APH1B: variants seen among roughly 807,000 people sequenced by gnomAD.
APH1B encodes gamma-secretase subunit APH-1B.
APH1B carries 27 observed loss-of-function variants against 28.2 expected under a neutral mutation model. That is an observed-to-expected ratio of 0.96 (90% CI 0.70 to 1.32). The LOEUF is 1.32. APH1B is among the 40% of genes most tolerant of loss of function. The pLI, the probability that APH1B is intolerant of heterozygous loss-of-function variation, is 0.00. For synonymous variants in APH1B, 141 were observed against 124.6 expected, an observed-to-expected ratio of 1.13 and a Z score of -0.88; for missense variants, 305 against 313.6, an observed-to-expected ratio of 0.97 and a Z score of 0.21.
chr15:63,287,511 T>A lies in APH1B; in HGVS notation c.443T>A (p.Ile148Asn). ...TCCTTGGGGCCAGGCACAGTGGGCA[T>A]TCATGGAGATTCTCCTCAATTCTTC... ...SDSLGPGTVGIHGDSPQFFLY... is the reference protein window; with the variant it reads ...SDSLGPGTVGNHGDSPQFFLY... The change falls in exon 4 of 6, where the codon ATT (isoleucine) becomes AAT (asparagine). Residue 148 changes from isoleucine to asparagine, a missense_variant. Physicochemically the swap from Ile to Asn is moderately radical, Grantham distance 149 (BLOSUM62 -3). Coordinates refer to ENST00000261879, the MANE Select transcript of APH1B (RefSeq NM_031301.4). The A allele has an allele frequency of 6.2e-7, 1 of 1,614,002 alleles. No homozygotes were observed. Among genetic ancestry groups the A allele is most frequent in the Non-Finnish European group, 8.5e-7 (1 of 1,179,878 alleles).
intron 5 of APH1B, among the ~76,000 whole-genome samples, chr15:63,303,279 G>A (rs2038651705): frequency 6.6e-6 from 1 of 152,136 alleles, no homozygotes; most frequent in South Asian, 2.1e-4. Flanking sequence ...CCCCACTGAG[G>A]GTGACCATGA....
intron 4 of APH1B, 133 bp from the exon 5 acceptor site, chr15:63,302,212 C>A: frequency 9.2e-7 from 1 of 1,081,164 alleles, no homozygotes; most frequent in Non-Finnish European, 1.3e-6. Context: ...GTGTCAAGGC[C>A]CTGTTTCTGT....
At chr15:63,283,396 A>AAT (rs2038410735) in intron 2 of APH1B, among the ~76,000 whole-genome samples, 1 of 68,400 alleles carries the variant, frequency 1.5e-5, no homozygotes, top group Non-Finnish European at 3.5e-5. Context: ...CACCCAGCTA[A>AAT]CTTGTATTTT....
intron 3 of APH1B, 58 bp from the exon 4 acceptor site, chr15:63,287,366 A>G: frequency 6.2e-7 from 1 of 1,601,612 alleles, no homozygotes. Flanking sequence ...TAGTCCTTGG[A>G]AATTTGACTT....
intron 2 of APH1B, among the ~76,000 whole-genome samples, chr15:63,285,295 A>G (rs1280782756): frequency 6.6e-6 from 1 of 152,252 alleles, no homozygotes; most frequent in Non-Finnish European, 1.5e-5. Flanking sequence ...TTAAAGTAAC[A>G]CAATGCCCAG....
intron 4 of APH1B, among the ~76,000 whole-genome samples, chr15:63,296,436 C>G (rs1345082178): frequency 2.6e-5 from 4 of 152,154 alleles, no homozygotes; most frequent in Non-Finnish European, 5.9e-5. Context: ...ATACCCTGCC[C>G]GTGTTAGGGG....
At chr15:63,286,085 C>T (rs2038442182) in intron 2 of APH1B, among the ~76,000 whole-genome samples, 4 of 152,094 alleles carry the variant, frequency 2.6e-5, no homozygotes, top group Admixed American at 2.6e-4. Context: ...AGTTTAGGTT[C>T]TACAGAGTGG....
In APH1B at chr15:63,286,579, G is replaced by C; in HGVS notation, c.306G>C (p.Lys102Asn). 1.9e-6 allele frequency: 3 copies of C among 1,598,098 alleles called. No homozygotes were observed. Among genetic ancestry groups the C allele is most frequent in the Non-Finnish European group, 2.6e-6 (3 of 1,174,658 alleles). Reference protein sequence around the residue: ...KLLKKASEGLKSINPGETAPS... With the variant: ...KLLKKASEGLNSINPGETAPS... ...TTAGAAAAGCCAGTGAAGGTTTGAA[G>C]AGTATAAACCCAGGTGAGACAGCAC... is the stretch of plus-strand genomic sequence containing the variant. Residue 102 changes from lysine to asparagine, a missense_variant, in exon 3 of 6, where the codon AAG becomes AAC. By Grantham distance (94) the Lys-to-Asn change is moderately conservative (BLOSUM62 0). Coordinates refer to ENST00000261879, the MANE Select transcript of APH1B (RefSeq NM_031301.4).
At chr15:63,281,427 C>T (rs966245384) in intron 2 of APH1B, among the ~76,000 whole-genome samples, 6 of 151,748 alleles carry the variant, frequency 4.0e-5, no homozygotes, top group African/African-American at 1.5e-4. Flanking sequence ...AAGTAGTACC[C>T]CTGACTGGGC....
chr15:63,283,487 C>A (rs2038411948), intron 2 of APH1B, among the ~76,000 whole-genome samples: 1 of 152,184 alleles, frequency 6.6e-6, no homozygotes, highest in South Asian at 2.1e-4. Flanking sequence ...ACCTCAGCCA[C>A]CCAAAATGCT....
At chr15:63,277,923 A>T in intron 1 of APH1B, 187 bp downstream of exon 1, 1 of 606,330 alleles carries the variant, frequency 1.6e-6, no homozygotes, top group South Asian at 2.0e-5. Flanking sequence ...AGAAGCGCAC[A>T]CTGGGGGTCA....
intron 2 of APH1B, among the ~76,000 whole-genome samples, chr15:63,282,483 C>T (rs1481966956): frequency 6.6e-6 from 1 of 152,174 alleles, no homozygotes; most frequent in Non-Finnish European, 1.5e-5. Flanking sequence ...CTGGCAGAGC[C>T]TTGCATAAAG....
Position 63,302,436 on chromosome 15 carries a change from T to A in APH1B, c.570T>A (p.Leu190=). 3.1e-6 allele frequency: 5 copies of A among 1,614,062 alleles called. No individual in the cohort carries two copies. Among genetic ancestry groups the A allele is most frequent in the Non-Finnish European group, 4.2e-6 (5 of 1,179,982 alleles). The stretch of plus-strand genomic sequence containing the variant: ...AGAAGAAAAAGTGGGGCATCCTCCT[T>A]ATCGTTCTCCTGACCCACCTGCTGG... ...GCEKKKWGIL[L]IVLLTHLLVS... is the part of the protein sequence containing the mutation. Residue 190 remains leucine (L), a synonymous_variant, in exon 5 of 6, where the codon CTT becomes CTA. Transcript: ENST00000261879.
chr15:63,284,764 G>A (rs2038428614), intron 2 of APH1B, among the ~76,000 whole-genome samples: 1 of 152,166 alleles, frequency 6.6e-6, no homozygotes, highest in South Asian at 2.1e-4. Context: ...ATGCAGGTTT[G>A]TTACCTGGGT....
rs2038689039 is a variant in APH1B, at chr15:63,306,467, G to A, written c.*686G>A. 1 of 152,226 alleles carries A rather than the reference G, an allele frequency of 6.6e-6. No individual in the cohort carries two copies. The highest frequency in any genetic ancestry group is 6.5e-5 in the Admixed American group (1 of 15,286). 9.4% of individuals were successfully genotyped at this position (152,226 alleles called of 1,614,324 possible). A position where few individuals can be genotyped will look rare whatever the true frequency, so the allele number is the denominator to read the frequency against. ...AGGCATTACATTGTTTTTGAGTATA[G>A]ATTACATTTTATTAACTAAAAATGA... On this transcript the variant is annotated 3_prime_UTR_variant, in exon 6 of 6. Coordinates refer to ENST00000261879, the MANE Select transcript of APH1B (RefSeq NM_031301.4).
At chr15:63,279,796 CTT>C (rs61114269) in intron 2 of APH1B, among the ~76,000 whole-genome samples, 37 of 137,848 alleles carry the variant, frequency 2.7e-4, no homozygotes, top group Admixed American at 2.9e-4. Context: ...TAAGTTAATT[CTT>C]TTTTTTTTTT....
chr15:63,302,798 C>A (rs528766953), intron 5 of APH1B, among the ~76,000 whole-genome samples: 9 of 152,306 alleles, frequency 5.9e-5, no homozygotes, highest in African/African-American at 2.2e-4. Flanking sequence ...GGCACCATGA[C>A]TGGACCTTAT....
In APH1B at chr15:63,305,875, TGAGA is replaced by T; in HGVS notation, c.*95_*98del. 2.1e-6 allele frequency: 3 copies of T among 1,457,626 alleles called. No homozygotes were observed. The highest frequency in any genetic ancestry group is 1.8e-6 in the Non-Finnish European group (2 of 1,086,870). The allele number at this position is 1,457,626 out of a possible 1,614,324, so 90.3% of individuals were successfully genotyped here. On this transcript the variant is annotated 3_prime_UTR_variant, in exon 6 of 6. Transcript: ENST00000261879. ...TGAAAATCCCTTTTTCTGGTGGAAT[TGAGA>T]AAGAAATAAAACTATGCAGATATGC...
At chr15:63,300,771 T>C (rs1185975793) in intron 4 of APH1B, among the ~76,000 whole-genome samples, 1 of 152,252 alleles carries the variant, frequency 6.6e-6, no homozygotes, top group Admixed American at 6.5e-5. Context: ...GTTACGTCTT[T>C]TAGTTTTGCA....
Sources: gnomAD v4.1 joint callset for allele counts (sites outside exome capture counted in the v4.1 genomes callset) on GRCh38, gnomAD v4.1.1 for gene constraint, MANE v1.5 for transcripts, NCBI Gene and HGNC (gene_info 2026-07-23, HGNC 2026-07-21) for gene names.